The following PRKG1 variants were observed in gnomAD, a reference collection of about 807,000 sequenced individuals.
PRKG1 encodes the protein cGMP-dependent protein kinase 1.
In PRKG1, 35 loss-of-function variants were observed where a neutral mutation model predicts 88.1. The ratio of observed to expected loss-of-function variants is 0.40; its 90% CI spans 0.30 to 0.53. The LOEUF (loss-of-function observed/expected upper bound fraction) is 0.53, where lower values mean the gene tolerates loss of function less well. Among genes scored for constraint, PRKG1 ranks in the 20% least tolerant of loss-of-function variants. The pLI is 0.59. For missense variants in PRKG1, 540 were observed against 839.8 expected, an observed-to-expected ratio of 0.64 and a Z score of 4.41; for synonymous variants, 303 against 292.5, an observed-to-expected ratio of 1.04 and a Z score of -0.37.
intron 9 of PRKG1, among the ~76,000 whole-genome samples, chr10:52,200,180 C>G: frequency 6.6e-6 from 1 of 152,044 alleles, no homozygotes; most frequent in Non-Finnish European, 1.5e-5. Context: ...TAGTATCTAA[C>G]AGACAGTTTT....
intron 2 of PRKG1, among the ~76,000 whole-genome samples, chr10:51,230,829 T>A (rs1439816892): frequency 6.6e-6 from 1 of 152,176 alleles, no homozygotes; most frequent in Non-Finnish European, 1.5e-5. Flanking sequence ...ATGCAATTTT[T>A]TTTTCAAATA....
chr10:52,094,387 A>T (rs2076285752), intron 7 of PRKG1, among the ~76,000 whole-genome samples: 2 of 152,072 alleles, frequency 1.3e-5, no homozygotes, highest in African/African-American at 4.8e-5. Context: ...TTTAATCACT[A>T]TACATTAATT....
At chr10:51,999,591 A>G (rs992881060) in intron 5 of PRKG1, among the ~76,000 whole-genome samples, 1 of 152,172 alleles carries the variant, frequency 6.6e-6, no homozygotes, top group African/African-American at 2.4e-5. Flanking sequence ...AAATATATAA[A>G]CAGAACTAAG....
At chr10:51,685,412 A>G (rs745823896) in intron 3 of PRKG1, among the ~76,000 whole-genome samples, 1 of 152,172 alleles carries the variant, frequency 6.6e-6, no homozygotes, top group African/African-American at 2.4e-5. Flanking sequence ...CCAAAAGAGG[A>G]CATAGAACTC....
At chr10:51,705,041 C>G (rs192289110) in intron 3 of PRKG1, among the ~76,000 whole-genome samples, 1 of 152,264 alleles carries the variant, frequency 6.6e-6, no homozygotes, top group East Asian at 1.9e-4. Flanking sequence ...TTACTTCTCT[C>G]CATCCCTTCA....
intron 3 of PRKG1, among the ~76,000 whole-genome samples, chr10:51,664,933 T>C (rs1029813733): frequency 2.0e-5 from 3 of 152,146 alleles, no homozygotes; most frequent in African/African-American, 7.2e-5. Context: ...TATAAGAGTA[T>C]GTCAACAGTG....
intron 7 of PRKG1, among the ~76,000 whole-genome samples, chr10:52,068,329 T>A (rs1361981296): frequency 6.6e-6 from 1 of 151,732 alleles, no homozygotes; most frequent in Non-Finnish European, 1.5e-5. Context: ...ATAGGAAATA[T>A]GGTAGACCAA....
intron 7 of PRKG1, among the ~76,000 whole-genome samples, chr10:52,093,071 C>A (rs1183937173): frequency 6.6e-6 from 1 of 151,980 alleles, no homozygotes; most frequent in Non-Finnish European, 1.5e-5. Flanking sequence ...ATCTTAGTAC[C>A]CCATGAAATG....
At chr10:52,250,825 C>G (rs149577628) in intron 9 of PRKG1, among the ~76,000 whole-genome samples, 1 of 152,110 alleles carries the variant, frequency 6.6e-6, no homozygotes, top group Non-Finnish European at 1.5e-5. Flanking sequence ...GTCAGGTTTG[C>G]ATGTGTGCAT....
chr10:51,486,796 A>G (rs999081813), intron 3 of PRKG1, among the ~76,000 whole-genome samples: 2 of 152,156 alleles, frequency 1.3e-5, no homozygotes, highest in Non-Finnish European at 2.9e-5. Context: ...TTATCTCACA[A>G]AAGGATTTTA....
At chr10:51,561,991 G>A (rs929548370) in intron 3 of PRKG1, among the ~76,000 whole-genome samples, 2 of 152,026 alleles carry the variant, frequency 1.3e-5, no homozygotes, top group Admixed American at 1.3e-4. Context: ...GGGAGGCCAA[G>A]GCAGGCAGAT....
At chr10:51,900,626 G>A (rs1320393895) in intron 4 of PRKG1, among the ~76,000 whole-genome samples, 2 of 152,086 alleles carry the variant, frequency 1.3e-5, no homozygotes, top group Non-Finnish European at 2.9e-5. Context: ...TGCTTACAGT[G>A]GCAGATAAAA....
At chr10:51,093,002 T>G (rs963291323) in intron 1 of PRKG1, among the ~76,000 whole-genome samples, 2 of 152,210 alleles carry the variant, frequency 1.3e-5, no homozygotes, top group East Asian at 3.9e-4. Flanking sequence ...TAAAAACGCA[T>G]GTGATGCAAC....
chr10:51,396,833 C>T (rs1249728837), intron 2 of PRKG1, among the ~76,000 whole-genome samples: 7 of 152,056 alleles, frequency 4.6e-5, no homozygotes, highest in Admixed American at 2.6e-4. Flanking sequence ...TGTAGTAGGG[C>T]GGGTACTGGG....
At chr10:52,097,632 T>G (rs998918199) in intron 7 of PRKG1, among the ~76,000 whole-genome samples, 9 of 152,210 alleles carry the variant, frequency 5.9e-5, no homozygotes, top group Admixed American at 5.9e-4. Context: ...TAACATCTTC[T>G]GCAAACTAAT....
chr10:51,439,189 A>G (rs1347775921), intron 2 of PRKG1, among the ~76,000 whole-genome samples: 1 of 151,876 alleles, frequency 6.6e-6, no homozygotes, highest in Non-Finnish European at 1.5e-5. Flanking sequence ...AGAAGCTGGA[A>G]GAGAAGGATT....
intron 8 of PRKG1, among the ~76,000 whole-genome samples, chr10:52,147,816 T>G (rs1263489976): frequency 6.6e-6 from 1 of 152,136 alleles, no homozygotes; most frequent in Non-Finnish European, 1.5e-5. Context: ...CCTGAATTAT[T>G]GGTAGGTGAT....
intron 2 of PRKG1, among the ~76,000 whole-genome samples, chr10:51,451,196 GTCTAATAACTACCA>G (rs375582800): frequency 6.6e-6 from 1 of 151,898 alleles, no homozygotes; most frequent in African/African-American, 2.4e-5. Context: ...CTAACAGTAT[GTCTAATAACTACCA>G]TGAGTTTAAG....
intron 3 of PRKG1, among the ~76,000 whole-genome samples, chr10:51,519,180 A>G (rs1033769549): frequency 2.0e-5 from 3 of 152,166 alleles, no homozygotes; most frequent in African/African-American, 7.2e-5. Context: ...CATTTTTTCT[A>G]AATAAATAAT....
Sources: gnomAD v4.1 joint callset for allele counts (sites outside exome capture counted in the v4.1 genomes callset) on GRCh38, gnomAD v4.1.1 for gene constraint, MANE v1.5 for transcripts, NCBI Gene and HGNC (gene_info 2026-07-23, HGNC 2026-07-21) for gene names.